KLHL8: variants seen among roughly 807,000 people sequenced by gnomAD.
KLHL8 encodes the protein kelch like family member 8, also known as kelch-like protein 8.
KLHL8 carries 38 observed loss-of-function variants against 63.5 expected under a neutral mutation model. That is an observed-to-expected ratio of 0.60 (90% CI 0.46 to 0.78). The LOEUF is 0.78. Ranked by LOEUF, KLHL8 falls within the 30% of genes least tolerant of loss-of-function variation. KLHL8 has a pLI of 0.00. For synonymous variants in KLHL8, 224 were observed against 254.3 expected (o/e 0.88, Z 1.13); for missense variants, 566 against 752.4 (o/e 0.75, Z 2.90).
intron 8 of KLHL8, among the ~76,000 whole-genome samples, chr4:87,168,509 G>A (rs1461534604): frequency 2.0e-5 from 3 of 151,978 alleles, no homozygotes; most frequent in African/African-American, 4.8e-5. Flanking sequence ...CTTCTTTAAT[G>A]GGGGGAGGTG....
Position 87,195,571 on chromosome 4 carries a change from T to A in KLHL8, c.-32A>T. ...TATTCCTCTTTTAATAGAGCTCTCT[T>A]CTCAAACATGCCATTTATTTTTTTT... On this transcript the variant is annotated 5_prime_UTR_variant, in exon 2 of 10. The change creates a premature stop within an existing upstream ORF in the 5' untranslated region. Transcript: ENST00000273963. 1 of 1,552,238 alleles carries A rather than the reference T, an allele frequency of 6.4e-7. No individual in the cohort carries two copies.
At chr4:87,192,097 A>G (rs930805014) in intron 2 of KLHL8, among the ~76,000 whole-genome samples, 1 of 152,170 alleles carries the variant, frequency 6.6e-6, no homozygotes, top group Non-Finnish European at 1.5e-5. Flanking sequence ...TCTTTTTGAT[A>G]GAATGATTTA....
Position 87,163,592 on chromosome 4 carries a change from G to A in KLHL8, c.1790C>T (p.Ala597Val). ...TTGGCTAGTTAAACAGGAACACACA[G>A]CTACTCCTGCTCCAGCTCTGCAGTG... The part of the protein sequence containing the change: ...VSHCRAGAGV[A>V]VCSCLTSQIR... Residue 597 changes from alanine (A) to valine (V), a missense_variant, in exon 10 of 10, where the codon GCT becomes GTT. Coordinates refer to ENST00000273963, the MANE Select transcript of KLHL8 (RefSeq NM_020803.5). 2.5e-6 allele frequency: 4 copies of A among 1,614,076 alleles called. No homozygotes were observed. Among genetic ancestry groups the A allele is most frequent in the Non-Finnish European group, 3.4e-6 (4 of 1,179,954 alleles).
At chr4:87,221,982 C>T (rs1007864132), upstream of KLHL8, among the ~76,000 whole-genome samples, 1 of 152,112 alleles carries the variant, frequency 6.6e-6, no homozygotes, top group African/African-American at 2.4e-5. Context: ...AAATATGGTG[C>T]TTTGCCGCGC....
At chr4:87,240,107 G>GA (rs1294537854) in intron 1 of KLHL8, among the ~76,000 whole-genome samples, 1 of 152,170 alleles carries the variant, frequency 6.6e-6, no homozygotes, top group Non-Finnish European at 1.5e-5. Flanking sequence ...CTTGGAGAAG[G>GA]AAAAGATACA....
rs61613935 is a variant in KLHL8, at chr4:87,208,291, A to AAAACAAACAAAC, written c.-152+12115_-152+12126dup. ...TAATAAAGTCCCCTATGCTTAGCCA[A>AAAACAAACAAAC]AAACAAACAAACAAACAAACAAACA... On this transcript the variant is annotated intron_variant, in intron 1 of 9. Coordinates refer to ENST00000273963, the MANE Select transcript of KLHL8 (RefSeq NM_020803.5). 4.5e-3 allele frequency among the ~76,000 whole-genome samples: 678 copies of AAAACAAACAAAC among 152,148 alleles called. 9 individuals are homozygous for AAAACAAACAAAC. Among genetic ancestry groups the AAAACAAACAAAC allele is most frequent in the African/African-American group, 0.015 (617 of 41,478 alleles).
At chr4:87,168,712 A>ATATATATACGTATATATATGTGTG (rs1730506998) in intron 8 of KLHL8, among the ~76,000 whole-genome samples, 2 of 143,308 alleles carry the variant, frequency 1.4e-5, no homozygotes, top group South Asian at 2.3e-4. Flanking sequence ...ATATATGTGT[A>ATATATATACGTATATATATGTGTG]TATATATACG....
chr4:87,227,617 C>T lies in KLHL8; in HGVS notation n.58-6227G>A, dbSNP rs563657383. Reference sequence around the variant, plus strand: ...GTGAGCTATGATCATGCCATGCAGTCCAGCTGGAGCAACAAATCCAGACCT... The same window carrying T: ...GTGAGCTATGATCATGCCATGCAGTTCAGCTGGAGCAACAAATCCAGACCT... On this transcript the variant is annotated intron_variant and non_coding_transcript_variant, in intron 1 of 1. Transcript: ENST00000506274. Among the ~76,000 whole-genome samples the T allele has an allele frequency of 2.6e-5, 4 of 152,092 alleles. No individual in the cohort carries two copies. The East Asian group carries it at 7.7e-4, about 29-fold the overall frequency.
chr4:87,212,892 A>C (rs929487703), intron 1 of KLHL8, among the ~76,000 whole-genome samples: 1 of 152,224 alleles, frequency 6.6e-6, no homozygotes, highest in Non-Finnish European at 1.5e-5. Flanking sequence ...GGTTTGTGTA[A>C]GTATACTCTA....
intron 1 of KLHL8, among the ~76,000 whole-genome samples, chr4:87,214,415 GATATATATATATATATATAT>G (rs58112792): frequency 0.027 from 2,527 of 93,126 alleles, 148 homozygotes; most frequent in African/African-American, 0.087. Context: ...GCACATAACA[GATATATATATATATATATAT>G]ATATATATAT....
At position 87,170,245 on chromosome 4, in the gene KLHL8, G is replaced by A; in HGVS notation, c.1378-7C>T. 1.2e-6 allele frequency: 2 copies of A among 1,602,760 alleles called. No individual in the cohort carries two copies. Among genetic ancestry groups the A allele is most frequent in the Non-Finnish European group, 1.7e-6 (2 of 1,175,588 alleles). On this transcript the variant is annotated splice_polypyrimidine_tract_variant and splice_region_variant and intron_variant, in intron 7 of 9. Coordinates refer to ENST00000273963, the MANE Select transcript of KLHL8 (RefSeq NM_020803.5). ...CTACTGCATAAACATGGTTCTAAAT[G>A]AAGAGAGTCAAACAAAACACATTAG...
At chr4:87,236,419 C>T (rs532933415) in intron 1 of KLHL8, among the ~76,000 whole-genome samples, 2 of 151,726 alleles carry the variant, frequency 1.3e-5, no homozygotes, top group South Asian at 4.2e-4. Flanking sequence ...ATGTTGGCCA[C>T]ACTGGTCTTG....
Position 87,195,522 on chromosome 4 carries a change from CAT to C in KLHL8, c.16_17del (p.Met6GlufsTer2). ...TGTGATTCCTAGCTTGTTTACTACTCATAGAATCTGAAGCCATTTGCAATATT... is the reference window on the plus strand; with the variant it reads ...TGTGATTCCTAGCTTGTTTACTACTCAGAATCTGAAGCCATTTGCAATATT... Reference protein sequence around the residue: MASDSMSSKQARNHIT... With the variant: MASDSXSSKQARNHIT... On this transcript the variant is annotated frameshift_variant, in exon 2 of 10. Coordinates refer to ENST00000273963, the MANE Select transcript of KLHL8 (RefSeq NM_020803.5). LOFTEE classifies it high-confidence loss of function. 1 of 1,613,038 alleles carries C rather than the reference CAT, an allele frequency of 6.2e-7. No individual in the cohort carries two copies. The highest frequency in any genetic ancestry group is 8.5e-7 in the Non-Finnish European group (1 of 1,179,720).
At chr4:87,235,245 G>T (rs541680751) in intron 1 of KLHL8, among the ~76,000 whole-genome samples, 25 of 152,252 alleles carry the variant, frequency 1.6e-4, no homozygotes, top group Non-Finnish European at 2.5e-4. Context: ...TCCATTGAGG[G>T]TAAGTGCCCT....
intron 3 of KLHL8, 141 bp from the exon 4 acceptor site, chr4:87,183,530 T>C: frequency 1.5e-6 from 1 of 686,108 alleles, no homozygotes; most frequent in Admixed American, 3.2e-5. Flanking sequence ...TTTTAAAACT[T>C]AAGTTGTTAC....
chr4:87,209,489 G>A (rs1159387598), intron 1 of KLHL8, among the ~76,000 whole-genome samples: 1 of 152,046 alleles, frequency 6.6e-6, no homozygotes, highest in Non-Finnish European at 1.5e-5. Context: ...GAAGCAGACA[G>A]GTTTATAGTT....
intron 1 of KLHL8, chr4:87,207,688 G>C (rs1732195728): frequency 1.0e-6 from 1 of 989,476 alleles, no homozygotes. Context: ...CAGCTGCAGG[G>C]CTCTCCAGAA....
chr4:87,182,678 A>C (rs1731100536), intron 4 of KLHL8, among the ~76,000 whole-genome samples: 1 of 152,242 alleles, frequency 6.6e-6, no homozygotes, highest in Non-Finnish European at 1.5e-5. Context: ...GTATCAAATA[A>C]AGGTGAAACT....
intron 1 of KLHL8, among the ~76,000 whole-genome samples, chr4:87,233,310 C>T (rs771554310): frequency 2.0e-5 from 3 of 152,104 alleles, no homozygotes; most frequent in African/African-American, 7.2e-5. Context: ...TCAAACTGAC[C>T]GGGTGCGTGG....
Sources: gnomAD v4.1 joint callset for allele counts (sites outside exome capture counted in the v4.1 genomes callset) on GRCh38, gnomAD v4.1.1 for gene constraint, MANE v1.5 for transcripts, NCBI Gene and HGNC (gene_info 2026-07-23, HGNC 2026-07-21) for gene names.